GFOD1: variants seen among roughly 807,000 people sequenced by gnomAD.
GFOD1 encodes glucose-fructose oxidoreductase domain-containing protein 1.
A neutral mutation model predicts 25.4 loss-of-function variants in GFOD1; 9 were observed. The observed-to-expected ratio is 0.35, with a 90% CI of 0.21 to 0.62. The LOEUF is 0.62. Ranked by LOEUF, GFOD1 falls within the 20% of genes least tolerant of loss-of-function variation. GFOD1 has a pLI of 0.72. For missense variants in GFOD1, 403 were observed against 556.9 expected (o/e 0.72, Z 2.78); for synonymous variants, 253 against 245.6 (o/e 1.03, Z -0.28).
intron 1 of GFOD1, among the ~76,000 whole-genome samples, chr6:13,466,564 C>T (rs1199774334): frequency 2.0e-5 from 3 of 152,212 alleles, no homozygotes; most frequent in African/African-American, 7.2e-5. Context: ...TCACCTCCCT[C>T]CCTGTGGCCT....
At chr6:13,421,850 G>A (rs781453667) in intron 1 of GFOD1, among the ~76,000 whole-genome samples, 5 of 152,182 alleles carry the variant, frequency 3.3e-5, no homozygotes, top group Non-Finnish European at 7.3e-5. Context: ...AGGATTTGCC[G>A]GGCACACGAG....
Position 13,365,419 on chromosome 6 carries a change from T to C in GFOD1, c.497A>G (p.Asp166Gly). The C allele has an allele frequency of 6.2e-7, 1 of 1,613,948 alleles. No individual in the cohort carries two copies. The highest frequency in any genetic ancestry group is 8.5e-7 in the Non-Finnish European group (1 of 1,179,978). Residue 166 changes from aspartate (D) to glycine (G), a missense_variant, in exon 2 of 2, where the codon GAC becomes GGC. Coordinates refer to ENST00000379287, the MANE Select transcript of GFOD1 (RefSeq NM_018988.4). This position sits in a 1 kb window ranked among gnomAD's most constrained non-coding sequence, Gnocchi z 9.2. ...GTGCAGGCCGCCGCCGCCCATCAAG[T>C]CGTCGCAGCTCCAGTTGTACTTCTT... is the stretch of plus-strand genomic sequence containing the variant. ...LGKKYNWSCD[D>G]LMGGGGLHSV...
At chr6:13,367,102 A>G (rs1032511114) in intron 1 of GFOD1, among the ~76,000 whole-genome samples, 2 of 152,074 alleles carry the variant, frequency 1.3e-5, no homozygotes, top group Non-Finnish European at 2.9e-5. Flanking sequence ...GTTGTATTTT[A>G]TATTTAAAAT....
At chr6:13,434,334 A>T (rs891092753) in intron 1 of GFOD1, among the ~76,000 whole-genome samples, 1 of 149,524 alleles carries the variant, frequency 6.7e-6, no homozygotes, top group African/African-American at 2.5e-5. Context: ...CATTATGGGA[A>T]TATAGAGGTC....
chr6:13,421,554 A>T (rs1042088067), intron 1 of GFOD1, among the ~76,000 whole-genome samples: 22 of 133,444 alleles, frequency 1.6e-4, no homozygotes, highest in South Asian at 1.3e-3. Context: ...ATCCATATTT[A>T]AAAAAAAACC....
intron 1 of GFOD1, among the ~76,000 whole-genome samples, chr6:13,397,112 G>T (rs1411553933): frequency 6.6e-6 from 1 of 152,168 alleles, no homozygotes; most frequent in African/African-American, 2.4e-5. Context: ...CAGAACCTTT[G>T]CTTAGGGAGC....
At chr6:13,426,505 G>A (rs1374377239) in intron 1 of GFOD1, among the ~76,000 whole-genome samples, 1 of 152,202 alleles carries the variant, frequency 6.6e-6, no homozygotes, top group Non-Finnish European at 1.5e-5. Flanking sequence ...CTGCGTCACT[G>A]TCCTTTGGTC....
intron 1 of GFOD1, chr6:13,470,076 G>C: frequency 3.6e-6 from 5 of 1,392,864 alleles, no homozygotes; most frequent in Non-Finnish European, 4.8e-6. Flanking sequence ...AATGGGTGAG[G>C]AATACAGATG....
intron 1 of GFOD1, chr6:13,486,257 C>CCCCCCCCCCA (rs1554207083): frequency 3.6e-6 from 1 of 276,728 alleles, no homozygotes; most frequent in African/African-American, 2.9e-5. Flanking sequence ...TCCCCCCCCC[C>CCCCCCCCCCA]CACACACACA....
intron 1 of GFOD1, among the ~76,000 whole-genome samples, chr6:13,485,839 T>A (rs1467928279): frequency 6.6e-6 from 1 of 152,182 alleles, no homozygotes; most frequent in Non-Finnish European, 1.5e-5. Context: ...CCCATCCTCC[T>A]AAAAATTTAA....
Position 13,359,494 on chromosome 6 carries a change from A to T in GFOD1, c.*5249T>A, listed in dbSNP as rs1784915478. ...GGTGGAGGGTGAGCCAAGTAGACCA[A>T]GCCTCAGGAAATCCCAGAGGTGAAG... On this transcript the variant is annotated 3_prime_UTR_variant, in exon 2 of 2. Transcript: ENST00000379287. 1 of 152,166 alleles carries T rather than the reference A, an allele frequency of 6.6e-6. No homozygotes were observed. Among genetic ancestry groups the T allele is most frequent in the South Asian group, 2.1e-4 (1 of 4,832 alleles). The allele number at this position is 152,166 out of a possible 1,614,324, so 9.4% of individuals were successfully genotyped here.
At chr6:13,391,690 G>T (rs1008856182) in intron 1 of GFOD1, among the ~76,000 whole-genome samples, 1 of 152,148 alleles carries the variant, frequency 6.6e-6, no homozygotes, top group Admixed American at 6.5e-5. Flanking sequence ...CAGACCAAGG[G>T]CTGAGTCTGA....
At chr6:13,486,142 C>T in intron 1 of GFOD1, 2 of 988,348 alleles carry the variant, frequency 2.0e-6, no homozygotes, top group East Asian at 1.1e-4. Context: ...CTCTATCGCA[C>T]CCAAGAAAAC....
At chr6:13,443,815 T>TAAAA in intron 1 of GFOD1, among the ~76,000 whole-genome samples, 1 of 64,856 alleles carries the variant, frequency 1.5e-5, no homozygotes, top group African/African-American at 7.9e-5. Context: ...AGACTCAGTC[T>TAAAA]TAAAAAAAAA....
chr6:13,456,787 G>T, intron 1 of GFOD1, among the ~76,000 whole-genome samples: 1 of 152,186 alleles, frequency 6.6e-6, no homozygotes, highest in East Asian at 1.9e-4. Flanking sequence ...GAGCCAGGAG[G>T]TCTGAGCCTC....
chr6:13,467,110 CAA>C (rs879411159), intron 1 of GFOD1, among the ~76,000 whole-genome samples: 5 of 138,292 alleles, frequency 3.6e-5, no homozygotes. Context: ...TAACTGATTT[CAA>C]AAAAAAAAAA....
At chr6:13,378,738 G>A (rs1785303180) in intron 1 of GFOD1, among the ~76,000 whole-genome samples, 1 of 152,114 alleles carries the variant, frequency 6.6e-6, no homozygotes, top group South Asian at 2.1e-4. Flanking sequence ...ATGAACCTAG[G>A]TGCCAGCAGG....
intron 1 of GFOD1, among the ~76,000 whole-genome samples, chr6:13,404,359 T>C (rs1362021118): frequency 6.6e-6 from 1 of 152,214 alleles, no homozygotes; most frequent in Non-Finnish European, 1.5e-5. Flanking sequence ...ACCGAGGAAC[T>C]TGCCTAAGCT....
At chr6:13,388,290 G>A (rs1204315705) in intron 1 of GFOD1, among the ~76,000 whole-genome samples, 1 of 152,192 alleles carries the variant, frequency 6.6e-6, no homozygotes, top group African/African-American at 2.4e-5. Context: ...AACCAAAAAA[G>A]AGCCTGCATA....
Sources: allele counts gnomAD v4.1 joint callset (sites outside exome capture counted in the v4.1 genomes callset), GRCh38; gene constraint gnomAD v4.1.1; non-coding constraint Gnocchi (gnomAD v3.1); transcripts MANE v1.5; gene names NCBI Gene and HGNC (gene_info 2026-07-23, HGNC 2026-07-21).